Variants in ISOC2 observed in about 807,000 individuals in gnomAD.
ISOC2 encodes isochorismatase domain-containing protein 2.
A neutral mutation model predicts 19.3 loss-of-function variants in ISOC2; 15 were observed. That is an observed-to-expected ratio of 0.78 (90% CI 0.52 to 1.20). The LOEUF (loss-of-function observed/expected upper bound fraction) is 1.20, where lower values mean the gene tolerates loss of function less well. ISOC2 is among the 50% of genes most tolerant of loss of function. The probability of loss-of-function intolerance (pLI) is 0.00; values close to 1 mark genes in which losing one functional copy is unlikely to be tolerated. For missense variants in ISOC2, 285 were observed against 272.4 expected, an observed-to-expected ratio of 1.05 and a Z score of -0.33; for synonymous variants, 106 against 115.8, an observed-to-expected ratio of 0.92 and a Z score of 0.54.
At chr19:55,459,313 T>G (rs1001696730) in intron 1 of ISOC2, among the ~76,000 whole-genome samples, 1 of 152,162 alleles carries the variant, frequency 6.6e-6, no homozygotes, top group Non-Finnish European at 1.5e-5. Context: ...TAAAAACGAA[T>G]AAATGGTTAA....
At chr19:55,458,150 G>A (rs932833496) in intron 1 of ISOC2, among the ~76,000 whole-genome samples, 2 of 152,174 alleles carry the variant, frequency 1.3e-5, no homozygotes, top group African/African-American at 2.4e-5. Context: ...TGCAGGGGAG[G>A]AAACCTCGAC....
At chr19:55,461,381 CG>C (rs1444634761) in intron 1 of ISOC2, 130 bp downstream of exon 1, 1 of 152,320 alleles carries the variant, frequency 6.6e-6, no homozygotes, top group Non-Finnish European at 1.5e-5. Context: ...CCAATTCTGG[CG>C]GGGCCAGGTG....
At chr19:55,456,013 C>T (rs546596066) in intron 2 of ISOC2, 168 bp from the exon 3 acceptor site, 1 of 602,528 alleles carries the variant, frequency 1.7e-6, no homozygotes, top group South Asian at 2.0e-5. Flanking sequence ...TGCCTGGACT[C>T]CTGAGTCTGA....
chr19:55,458,279 C>T (rs533963188), intron 1 of ISOC2, among the ~76,000 whole-genome samples: 23 of 152,264 alleles, frequency 1.5e-4, no homozygotes, highest in African/African-American at 5.5e-4. Context: ...TGAATCAGCA[C>T]GTCTTGGCCT....
chr19:55,457,487 A>G (rs969691085), intron 1 of ISOC2, among the ~76,000 whole-genome samples: 1 of 150,204 alleles, frequency 6.7e-6, no homozygotes, highest in African/African-American at 2.5e-5. Flanking sequence ...GTGAGCCGAG[A>G]TCACACCACT....
At chr19:55,461,351 C>A (rs1986234075) in intron 1 of ISOC2, among the ~76,000 whole-genome samples, 161 bp downstream of exon 1, 1 of 152,342 alleles carries the variant, frequency 6.6e-6, no homozygotes, top group African/African-American at 2.4e-5. Flanking sequence ...GACCCGGGGA[C>A]GCTTCCAATC....
chr19:55,460,112 C>T (rs1986188554), intron 1 of ISOC2: 1 of 152,194 alleles, frequency 6.6e-6, no homozygotes, highest in South Asian at 2.1e-4. Flanking sequence ...CAGGACTCTT[C>T]CCCAGAGCAA....
At chr19:55,460,334 A>T (rs1271704831) in intron 1 of ISOC2, among the ~76,000 whole-genome samples, 1 of 152,204 alleles carries the variant, frequency 6.6e-6, no homozygotes, top group Non-Finnish European at 1.5e-5. Flanking sequence ...GGGAGAGGAA[A>T]ATGTGTCTGT....
chr19:55,458,992 C>G (rs770885894), intron 1 of ISOC2, among the ~76,000 whole-genome samples: 1 of 151,898 alleles, frequency 6.6e-6, no homozygotes, highest in Non-Finnish European at 1.5e-5. Flanking sequence ...AGTACAGTGG[C>G]GCAATCATAG....
In ISOC2 at chr19:55,455,009, C is replaced by A. The variant is rs1042477302; in HGVS notation, c.517G>T (p.Val173Phe). Reference sequence around the variant, plus strand: ...ATTACCTCCTTGAACTGGGGGTGGACGGCATCGCCCACAAGCTGCAGAATG... The same window carrying A: ...ATTACCTCCTTGAACTGGGGGTGGAAGGCATCGCCCACAAGCTGCAGAATG... ...GLILQLVGDA[V>F]HPQFKEIQKL... The change falls in exon 5 of 6, where the codon GTC becomes TTC. Residue 173 changes from valine to phenylalanine, a missense_variant. Coordinates refer to ENST00000425675, the MANE Select transcript of ISOC2 (RefSeq NM_001136201.2). The A allele has an allele frequency of 6.2e-7, 1 of 1,612,960 alleles. No individual in the cohort carries two copies. Among genetic ancestry groups the A allele is most frequent in the African/African-American group, 1.3e-5 (1 of 74,876 alleles).
At chr19:55,460,514 A>C (rs1160328155) in intron 1 of ISOC2, among the ~76,000 whole-genome samples, 1 of 152,158 alleles carries the variant, frequency 6.6e-6, no homozygotes, top group South Asian at 2.1e-4. Flanking sequence ...TACTATATAC[A>C]ATAAAGGGTT....
At chr19:55,460,576 C>G (rs767808998) in intron 1 of ISOC2, among the ~76,000 whole-genome samples, 2 of 152,242 alleles carry the variant, frequency 1.3e-5, no homozygotes, top group African/African-American at 2.4e-5. Context: ...GAAGCCAGGA[C>G]AGTGACTGCC....
chr19:55,453,466 C>T (rs1403641743), intron 5 of ISOC2, 78 bp from the exon 6 acceptor site: 12 of 1,015,996 alleles, frequency 1.2e-5, no homozygotes, highest in Admixed American at 3.3e-5. Flanking sequence ...AGGGACACCT[C>T]TCCGTCTTCA....
At chr19:55,455,432 G>C (rs1369171556) in intron 3 of ISOC2, 102 bp from the exon 4 acceptor site, 24 of 1,482,874 alleles carry the variant, frequency 1.6e-5, no homozygotes, top group Non-Finnish European at 2.2e-5. Flanking sequence ...GAATGGGGAG[G>C]AGGGAGGCTC....
chr19:55,461,092 A>G (rs574473217), intron 1 of ISOC2, among the ~76,000 whole-genome samples: 69 of 149,750 alleles, frequency 4.6e-4, no homozygotes, highest in Non-Finnish European at 7.7e-4. Context: ...CTGCGGAACG[A>G]GGAGAGATTC....
At chr19:55,456,918 C>A (rs1353961761) in intron 1 of ISOC2, among the ~76,000 whole-genome samples, 3 of 152,126 alleles carry the variant, frequency 2.0e-5, no homozygotes, top group African/African-American at 7.2e-5. Flanking sequence ...AGTCACCATC[C>A]GCCCTGGTCA....
At position 55,455,289 on chromosome 19, in the gene ISOC2, A is replaced by G. The variant is rs137880132; in HGVS notation, c.390T>C (p.His130=). ...GTGAGGAGCAGGCGTCCACCACCAC[A>G]TGGACCTGCAGCCCCCGGTCTAGGA... ...LDLLDRGLQV[H]VVVDACSSRS... Residue 130 remains histidine, a synonymous_variant, in exon 4 of 6, where the codon CAT becomes CAC. Coordinates refer to ENST00000425675, the MANE Select transcript of ISOC2 (RefSeq NM_001136201.2). 55 of 1,613,314 alleles carry G rather than the reference A, an allele frequency of 3.4e-5. No individual in the cohort carries two copies. The Admixed American group carries it at 4.2e-4, about 12-fold the overall frequency.
intron 1 of ISOC2, among the ~76,000 whole-genome samples, chr19:55,456,822 C>T (rs143800630): frequency 2.6e-5 from 4 of 152,202 alleles, no homozygotes; most frequent in East Asian, 1.9e-4. Flanking sequence ...GGTTACCATC[C>T]GCCCCGGTTA....
In ISOC2 at chr19:55,454,965, T is replaced by C. The variant is rs183627719; in HGVS notation, c.537+24A>G. On this transcript the variant is annotated intron_variant, in intron 5 of 5. Transcript: ENST00000425675. ...AGACCTTTGACAGATGCAGGGGAGG[T>C]GGGGGCGGCCAGGCGGGCATTACCT... 11,995 of 1,518,002 alleles carry C rather than the reference T, an allele frequency of 7.9e-3. 65 individuals are homozygous for C. Among genetic ancestry groups the C allele is most frequent in the Non-Finnish European group, 9.6e-3 (10,549 of 1,093,952 alleles). The allele number at this position is 1,518,002 out of a possible 1,614,324, so 94.0% of individuals were successfully genotyped here.
Sources: gnomAD v4.1 joint callset for allele counts (sites outside exome capture counted in the v4.1 genomes callset) on GRCh38, gnomAD v4.1.1 for gene constraint, MANE v1.5 for transcripts, NCBI Gene and HGNC (gene_info 2026-07-23, HGNC 2026-07-21) for gene names.